The following ATXN10 variants were observed in gnomAD, a reference collection of about 807,000 sequenced individuals.
ATXN10 encodes the protein ataxin-10.
Under a neutral mutation model 52.9 loss-of-function variants are expected in ATXN10, and 28 were observed. That is an observed-to-expected ratio of 0.53 (90% CI 0.39 to 0.73). The LOEUF (loss-of-function observed/expected upper bound fraction) is 0.73, where lower values mean the gene tolerates loss of function less well. Ranked by LOEUF, ATXN10 falls within the 30% of genes least tolerant of loss-of-function variation. The probability of loss-of-function intolerance (pLI) is 0.00; values close to 1 mark genes in which losing one functional copy is unlikely to be tolerated. For synonymous variants in ATXN10, 226 were observed against 221.5 expected (o/e 1.02, Z -0.18); for missense variants, 565 against 577.0 (o/e 0.98, Z 0.21).
chr22:45,729,580 C>G lies in ATXN10; in HGVS notation c.884C>G (p.Pro295Arg). 2 of 1,614,100 alleles carry G rather than the reference C, an allele frequency of 1.2e-6. No individual in the cohort carries two copies. The highest frequency in any genetic ancestry group is 1.7e-6 in the Non-Finnish European group (2 of 1,180,008). The change falls in exon 7 of 12, where the codon CCT becomes CGT. Residue 295 changes from proline (P) to arginine (R), a missense_variant. Coordinates refer to ENST00000252934, the MANE Select transcript of ATXN10 (RefSeq NM_013236.4). ...TVLKLASEEP[P>R]DDEEALATIR... ...CTCAAGCTGGCCTCTGAGGAGCCTC[C>G]TGATGATGAGGTAAGGGAGGCAGAT...
chr22:45,719,335 C>G (rs1601604975), intron 6 of ATXN10, among the ~76,000 whole-genome samples: 1 of 152,066 alleles, frequency 6.6e-6, no homozygotes, highest in South Asian at 2.1e-4. Flanking sequence ...AGTAGTTAAG[C>G]TTTGTGTACT....
chr22:45,739,815 G>A (rs916622402), intron 8 of ATXN10, among the ~76,000 whole-genome samples: 1 of 152,206 alleles, frequency 6.6e-6, no homozygotes, highest in Non-Finnish European at 1.5e-5. Flanking sequence ...TGTTTTCATT[G>A]GCTGCCTGGA....
At position 45,677,882 on chromosome 22, in the gene ATXN10, C is replaced by CT. The variant is rs1312704869; in HGVS notation, c.116+5704dup. ...CTAGTGGACATGTAAAGTGGTGCTG[C>CT]TACTATGGAAAATAATTTGGTGGGT... is the stretch of plus-strand genomic sequence containing the variant. On this transcript the variant is annotated intron_variant, in intron 1 of 11. Coordinates refer to ENST00000252934, the MANE Select transcript of ATXN10 (RefSeq NM_013236.4). This position sits in a 1 kb window ranked among gnomAD's most constrained non-coding sequence, Gnocchi z 4.1. 4 of 152,256 alleles carry CT rather than the reference C, an allele frequency of 2.6e-5. No homozygotes were observed. The East Asian group carries it at 5.8e-4, about 22-fold the overall frequency. The allele number at this position is 152,256 out of a possible 1,614,324, so 9.4% of individuals were successfully genotyped here.
chr22:45,674,945 G>C (rs1922623338), intron 1 of ATXN10: 1 of 152,200 alleles, frequency 6.6e-6, no homozygotes. Context: ...AGTGGCTTTG[G>C]AACCATGGAG....
In ATXN10 at chr22:45,766,116, C is replaced by T. The variant is rs1926573197; in HGVS notation, c.1173+25578C>T. Among the ~76,000 whole-genome samples the T allele has an allele frequency of 6.6e-6, 1 of 152,126 alleles. No homozygotes were observed. Among genetic ancestry groups the T allele is most frequent in the Non-Finnish European group, 1.5e-5 (1 of 68,028 alleles). On this transcript the variant is annotated intron_variant, in intron 9 of 11. Transcript: ENST00000252934. This position sits in a 1 kb window ranked among gnomAD's most constrained non-coding sequence, Gnocchi z 4.6. Reference sequence around the variant, plus strand: ...GTATGATAAAGCTGGCATCTCAGATCACTGGGAGGAAAAGAAGGAATATTT... The same window carrying T: ...GTATGATAAAGCTGGCATCTCAGATTACTGGGAGGAAAAGAAGGAATATTT...
rs920393452 is a variant in ATXN10 at position 45,786,418 on chromosome 22, G to A, written c.1174-20541G>A. On this transcript the variant is annotated intron_variant, in intron 9 of 11. Transcript: ENST00000252934. The surrounding 1 kb of genome is among the most constrained non-coding windows in gnomAD (Gnocchi z 4.1). ...ATGGGATGCAGTCTCTGACATTCTC[G>A]GCCTCACTGTGTTCCCGTGTGGCCA... Among the ~76,000 whole-genome samples, 2 of 152,122 alleles carry A rather than the reference G, an allele frequency of 1.3e-5. No individual in the cohort carries two copies. The highest frequency in any genetic ancestry group is 2.1e-4 in the South Asian group (1 of 4,828).
chr22:45,838,151 C>A (rs934582681), intron 10 of ATXN10, among the ~76,000 whole-genome samples: 2 of 152,200 alleles, frequency 1.3e-5, no homozygotes, highest in Non-Finnish European at 2.9e-5. Flanking sequence ...GTTATTAATA[C>A]CCTTACTGTG....
At chr22:45,813,462 T>TG (rs1412017177) in intron 10 of ATXN10, among the ~76,000 whole-genome samples, 1 of 151,150 alleles carries the variant, frequency 6.6e-6, no homozygotes, top group East Asian at 1.9e-4. Context: ...TTTCTTTTTT[T>TG]TTTTTTAATG....
chr22:45,748,089 C>T (rs560105013), intron 9 of ATXN10, among the ~76,000 whole-genome samples: 4 of 151,564 alleles, frequency 2.6e-5, no homozygotes, highest in African/African-American at 4.8e-5. Flanking sequence ...TGAGGTGGGA[C>T]GGTTGATTGA....
chr22:45,782,974 A>G (rs1393762140), intron 9 of ATXN10, among the ~76,000 whole-genome samples: 1 of 152,252 alleles, frequency 6.6e-6, no homozygotes, highest in Non-Finnish European at 1.5e-5. Flanking sequence ...AATTACAACA[A>G]CAATAGATTG....
rs890075076 is a variant in ATXN10, at chr22:45,688,013, C to T, written c.117-1699C>T. On this transcript the variant is annotated intron_variant, in intron 1 of 11. Transcript: ENST00000252934. The surrounding 1 kb of genome is among the most constrained non-coding windows in gnomAD (Gnocchi z 4.0). ...CAGAGGTTGCAGTGAGCCAAGATTG[C>T]ACCACTGCAACTCCAGCCTGGGCGA... Among the ~76,000 whole-genome samples the T allele has an allele frequency of 6.6e-6, 1 of 152,132 alleles. No homozygotes were observed. The highest frequency in any genetic ancestry group is 1.5e-5 in the Non-Finnish European group (1 of 68,022).
chr22:45,796,080 A>C (rs890867879), intron 9 of ATXN10, among the ~76,000 whole-genome samples: 1 of 152,204 alleles, frequency 6.6e-6, no homozygotes, highest in Non-Finnish European at 1.5e-5. Context: ...ACTAGGAGAA[A>C]TATCGCTGAA....
At chr22:45,716,809 G>T (rs1924466168) in intron 5 of ATXN10, among the ~76,000 whole-genome samples, 1 of 152,038 alleles carries the variant, frequency 6.6e-6, no homozygotes, top group African/African-American at 2.4e-5. Flanking sequence ...AATTCACAAA[G>T]GCAAAAGTTG....
rs1189255048 is a variant in ATXN10 at position 45,816,743 on chromosome 22, G to A, written c.1237+9721G>A. ...GTGAGAAAGCCTGTGTGAAGCAGAT[G>A]TTCTGGCTTGCAGAACCTCGTGGAG... On this transcript the variant is annotated intron_variant, in intron 10 of 11. Coordinates refer to ENST00000252934, the MANE Select transcript of ATXN10 (RefSeq NM_013236.4). This position sits in a 1 kb window ranked among gnomAD's most constrained non-coding sequence, Gnocchi z 5.8. 6.6e-6 allele frequency among the ~76,000 whole-genome samples: 1 copy of A among 152,186 alleles called. No individual in the cohort carries two copies. The highest frequency in any genetic ancestry group is 6.5e-5 in the Admixed American group (1 of 15,284).
intron 9 of ATXN10, among the ~76,000 whole-genome samples, chr22:45,758,740 T>C (rs1385229463): frequency 6.6e-6 from 1 of 152,244 alleles, no homozygotes; most frequent in African/African-American, 2.4e-5. Context: ...GTGGACTTGA[T>C]AGAGCAGTAT....
chr22:45,742,565 A>G (rs1254060127), intron 9 of ATXN10, among the ~76,000 whole-genome samples: 1 of 152,188 alleles, frequency 6.6e-6, no homozygotes, highest in East Asian at 1.9e-4. Flanking sequence ...CTTAACCTCA[A>G]GAAAGATCAC....
At chr22:45,685,524 A>G (rs1164278352) in intron 1 of ATXN10, among the ~76,000 whole-genome samples, 2 of 152,210 alleles carry the variant, frequency 1.3e-5, no homozygotes, top group Non-Finnish European at 2.9e-5. Flanking sequence ...CTTTTGTAAT[A>G]TTGGAGTGAT....
In ATXN10 at chr22:45,754,327, C is replaced by T. The variant is rs1926099732; in HGVS notation, c.1173+13789C>T. Among the ~76,000 whole-genome samples the T allele has an allele frequency of 6.6e-6, 1 of 152,236 alleles. No homozygotes were observed. The highest frequency in any genetic ancestry group is 1.5e-5 in the Non-Finnish European group (1 of 68,040). On this transcript the variant is annotated intron_variant, in intron 9 of 11. Transcript: ENST00000252934. This position sits in a 1 kb window ranked among gnomAD's most constrained non-coding sequence, Gnocchi z 5.4. ...CTTAACTTGTGAGTCTCCCTTTCTT[C>T]ATCTGTAAAGTAGAGATGATTTTAC...
At chr22:45,706,027 C>T (rs1188649639) in intron 5 of ATXN10, among the ~76,000 whole-genome samples, 1 of 152,180 alleles carries the variant, frequency 6.6e-6, no homozygotes, top group Non-Finnish European at 1.5e-5. Flanking sequence ...CTAGGTCTCA[C>T]ACTCCTTATG....
Sources: gnomAD v4.1 joint callset for allele counts (sites outside exome capture counted in the v4.1 genomes callset) on GRCh38, gnomAD v4.1.1 for gene constraint, Gnocchi (gnomAD v3.1) non-coding constraint, MANE v1.5 for transcripts, NCBI Gene and HGNC (gene_info 2026-07-23, HGNC 2026-07-21) for gene names.